Variants in ANKRD26 observed in about 807,000 individuals in gnomAD.
ANKRD26 encodes the protein ankyrin repeat domain 26.
In ANKRD26, 141 loss-of-function variants were observed where a neutral mutation model predicts 208.7. That is an observed-to-expected ratio of 0.68 (90% CI 0.59 to 0.78). ANKRD26 has a LOEUF of 0.78. Among genes scored for constraint, ANKRD26 ranks in the 30% least tolerant of loss-of-function variants. The pLI is 0.00. For synonymous variants in ANKRD26, 636 were observed against 660.4 expected (o/e 0.96, Z 0.57); for missense variants, 1,889 against 1,938.7 (o/e 0.97, Z 0.48).
the ANKRD26 span, among the ~76,000 whole-genome samples, chr10:26,949,506 T>A: frequency 2.6e-5 from 4 of 151,954 alleles, no homozygotes; most frequent in South Asian, 2.1e-4. Context: ...TTAATTTATT[T>A]ATTAATTTAT....
chr10:27,065,448 C>A (rs764593277), intron 11 of ANKRD26, among the ~76,000 whole-genome samples: 2 of 152,178 alleles, frequency 1.3e-5, no homozygotes, highest in Non-Finnish European at 2.9e-5. Flanking sequence ...TAACTGTCTA[C>A]TGAAACTTAT....
rs2054006791 is a variant in ANKRD26 at position 27,035,289 on chromosome 10, T to C, written c.3161A>G (p.Asn1054Ser). Residue 1054 changes from asparagine (N) to serine (S), a missense_variant, in exon 24 of 34, where the codon AAC becomes AGC. Physicochemically the swap from Asn to Ser is conservative, Grantham distance 46 (BLOSUM62 1). Transcript: ENST00000376087. ...LQDKMNFDVS[N>S]LKDNNEILSQ... Reference sequence around the variant, plus strand: ...AAGAATCTCATTGTTATCTTTTAGGTTAGACACATCAAAATTCATTTTGTC... The same window carrying C: ...AAGAATCTCATTGTTATCTTTTAGGCTAGACACATCAAAATTCATTTTGTC... 1 of 1,613,926 alleles carries C rather than the reference T, an allele frequency of 6.2e-7. No individual in the cohort carries two copies. The highest frequency in any genetic ancestry group is 8.5e-7 in the Non-Finnish European group (1 of 1,179,874).
intron 15 of ANKRD26, among the ~76,000 whole-genome samples, chr10:27,059,728 T>G (rs1255216184): frequency 7.9e-5 from 12 of 151,102 alleles, no homozygotes; most frequent in Admixed American, 7.9e-4. Context: ...CTGGCCAACA[T>G]GGTGAAACCC....
intron 27 of ANKRD26, among the ~76,000 whole-genome samples, chr10:27,026,855 C>T (rs570329712): frequency 1.5e-4 from 23 of 151,828 alleles, no homozygotes; most frequent in Admixed American, 8.5e-4. Flanking sequence ...AGCACAATCT[C>T]GTCTCACTGT....
intron 23 of ANKRD26, among the ~76,000 whole-genome samples, 174 bp from the exon 24 acceptor site, chr10:27,035,926 C>T (rs2054028530): frequency 1.3e-5 from 2 of 150,438 alleles, no homozygotes; most frequent in African/African-American, 4.9e-5. Flanking sequence ...GCATAAACTC[C>T]CAAAAGTTCA....
At chr10:26,986,100 A>G (rs909079981) in intron 3 of ANKRD26, among the ~76,000 whole-genome samples, 13 of 152,200 alleles carry the variant, frequency 8.5e-5, no homozygotes, top group Admixed American at 6.5e-5. Context: ...AATGGAACAG[A>G]ACAGAGCCCT....
At chr10:26,973,442 CAT>C (rs1018852901), downstream of ANKRD26, among the ~76,000 whole-genome samples, 49 of 150,682 alleles carry the variant, frequency 3.3e-4, no homozygotes, top group Non-Finnish European at 2.7e-4. Context: ...TGCTATTTGC[CAT>C]ATATATCTTT....
intron 32 of ANKRD26, among the ~76,000 whole-genome samples, chr10:27,010,816 T>G (rs144651878): frequency 1.3e-5 from 2 of 152,270 alleles, no homozygotes; most frequent in Non-Finnish European, 2.9e-5. Flanking sequence ...CCTACACAAG[T>G]ATTTGACATT....
At chr10:26,995,154 T>C (rs1372775487) in intron 4 of ANKRD26, 2 of 471,036 alleles carry the variant, frequency 4.2e-6, no homozygotes, top group Non-Finnish European at 4.4e-6. Flanking sequence ...GTCCCTGGAA[T>C]AGAGTGGCAG....
At chr10:27,015,466 A>C (rs3781097) in intron 30 of ANKRD26, among the ~76,000 whole-genome samples, 12,953 of 152,280 alleles carry the variant, frequency 0.085, 672 homozygotes, top group African/African-American at 0.15. Context: ...CTTCATCTGT[A>C]AAATGGGAAA....
the ANKRD26 span, among the ~76,000 whole-genome samples, chr10:26,961,361 C>T: frequency 3.3e-5 from 5 of 152,092 alleles, no homozygotes; most frequent in African/African-American, 1.2e-4. Flanking sequence ...AAAATTCTGT[C>T]CCCAACTTTG....
chr10:27,013,135 G>A, intron 31 of ANKRD26, 25 bp from the exon 32 acceptor site: 1 of 1,593,774 alleles, frequency 6.3e-7, no homozygotes, highest in Non-Finnish European at 8.6e-7. Flanking sequence ...GAAGACACAT[G>A]CTTAGTATTT....
At chr10:27,061,030 A>G in intron 13 of ANKRD26, 114 bp downstream of exon 13, 1 of 823,734 alleles carries the variant, frequency 1.2e-6, no homozygotes, top group Non-Finnish European at 2.1e-6. Flanking sequence ...TTATGATGCC[A>G]CTTTACTTGG....
rs1023788815 is a variant in ANKRD26, at chr10:27,005,440, C to T, written c.*150G>A. The T allele has an allele frequency of 5.8e-6, 8 of 1,386,056 alleles. No homozygotes were observed. In the African/African-American group the frequency reaches 8.8e-5, roughly 15 times the overall value. The allele number at this position is 1,386,056 out of a possible 1,614,324, so 85.9% of individuals were successfully genotyped here. ...AAAATCCACTTAAAAGTTAAAGAAGCCAAGTAACATTGTTTAAAATACTAT... is the reference window on the plus strand; with the variant it reads ...AAAATCCACTTAAAAGTTAAAGAAGTCAAGTAACATTGTTTAAAATACTAT... On this transcript the variant is annotated 3_prime_UTR_variant, in exon 34 of 34. Coordinates refer to ENST00000376087, the MANE Select transcript of ANKRD26 (RefSeq NM_014915.3).
intron 17 of ANKRD26, among the ~76,000 whole-genome samples, chr10:27,046,765 C>T (rs547086352): frequency 6.6e-6 from 1 of 152,056 alleles, no homozygotes; most frequent in South Asian, 2.1e-4. Flanking sequence ...TGTATATTCC[C>T]TGCTTCAAAA....
At chr10:26,962,345 C>T in the ANKRD26 span, among the ~76,000 whole-genome samples, 14 of 152,050 alleles carry the variant, frequency 9.2e-5, no homozygotes, top group African/African-American at 3.1e-4. Context: ...GAGGCTGAGG[C>T]GGGCAGATCA....
chr10:27,065,126 ATCT>A (rs2055194122), intron 11 of ANKRD26, among the ~76,000 whole-genome samples: 1 of 152,120 alleles, frequency 6.6e-6, no homozygotes, highest in South Asian at 2.1e-4. Context: ...ACTCAGAAAG[ATCT>A]TCTCTGACTA....
At chr10:26,962,267 C>A in the ANKRD26 span, among the ~76,000 whole-genome samples, 1 of 152,014 alleles carries the variant, frequency 6.6e-6, no homozygotes, top group Admixed American at 6.6e-5. Context: ...CCCATCTCTA[C>A]AAAAAATAAA....
chr10:27,001,564 A>G (rs1486099247), downstream of ANKRD26, among the ~76,000 whole-genome samples: 1 of 152,154 alleles, frequency 6.6e-6, no homozygotes. Flanking sequence ...AAGGTGCAAA[A>G]AACTGGTTAG....
Sources: gnomAD v4.1 joint callset for allele counts (sites outside exome capture counted in the v4.1 genomes callset) on GRCh38, gnomAD v4.1.1 for gene constraint, MANE v1.5 for transcripts, NCBI Gene and HGNC (gene_info 2026-07-23, HGNC 2026-07-21) for gene names.